NLGN1: variants seen among roughly 807,000 people sequenced by gnomAD.
The protein encoded by NLGN1 is neuroligin-1.
NLGN1 carries 12 observed loss-of-function variants against 65.5 expected under a neutral mutation model. The ratio of observed to expected loss-of-function variants is 0.18; its 90% CI spans 0.12 to 0.30. The LOEUF (loss-of-function observed/expected upper bound fraction) is 0.30. Among genes scored for constraint, NLGN1 ranks in the 10% least tolerant of loss-of-function variants. NLGN1 has a pLI of 1.00. For synonymous variants in NLGN1, 350 were observed against 359.5 expected (o/e 0.97, Z 0.30); for missense variants, 750 against 1,007.1 (o/e 0.74, Z 3.46).
chr3:173,526,001 A>G (rs1298511170), intron 2 of NLGN1, among the ~76,000 whole-genome samples: 2 of 151,960 alleles, frequency 1.3e-5, no homozygotes, highest in Non-Finnish European at 1.5e-5. Flanking sequence ...ATTTATTGAG[A>G]TTTTCTTTAT....
At chr3:173,519,530 G>A (rs1396120737) in intron 2 of NLGN1, among the ~76,000 whole-genome samples, 1 of 152,258 alleles carries the variant, frequency 6.6e-6, no homozygotes, top group African/African-American at 2.4e-5. Context: ...GTGTGCCCTG[G>A]ATGTGGGACA....
chr3:174,199,995 C>T (rs1734144225), intron 4 of NLGN1, among the ~76,000 whole-genome samples: 1 of 152,106 alleles, frequency 6.6e-6, no homozygotes, highest in African/African-American at 2.4e-5. Context: ...ACATCTAGGC[C>T]TGGAGAGCTC....
intron 4 of NLGN1, among the ~76,000 whole-genome samples, chr3:173,810,228 C>T (rs1035110599): frequency 6.6e-6 from 1 of 151,998 alleles, no homozygotes; most frequent in South Asian, 2.1e-4. Flanking sequence ...GCATGAGTGC[C>T]GCACCACAGC....
intron 4 of NLGN1, among the ~76,000 whole-genome samples, chr3:174,099,624 T>A (rs575534502): frequency 6.6e-6 from 1 of 152,290 alleles, no homozygotes; most frequent in Admixed American, 6.5e-5. Context: ...AAAACTTATT[T>A]AGTGATAGAA....
At chr3:173,726,980 C>T (rs1016379366) in intron 3 of NLGN1, among the ~76,000 whole-genome samples, 2 of 150,018 alleles carry the variant, frequency 1.3e-5, no homozygotes, top group African/African-American at 4.9e-5. Context: ...AAAAAATAAT[C>T]AAGAACTTCT....
At chr3:174,240,757 G>A (rs1577530595) in intron 4 of NLGN1, among the ~76,000 whole-genome samples, 1 of 152,110 alleles carries the variant, frequency 6.6e-6, no homozygotes, top group East Asian at 1.9e-4. Context: ...AATTCATTTT[G>A]AAAGCAAAGT....
At chr3:173,565,467 A>G (rs1224809870) in intron 2 of NLGN1, among the ~76,000 whole-genome samples, 1 of 152,204 alleles carries the variant, frequency 6.6e-6, no homozygotes, top group African/African-American at 2.4e-5. Flanking sequence ...GGTCTACTCC[A>G]CTGTAGCCAG....
chr3:173,563,681 C>CT (rs144753128), intron 2 of NLGN1, among the ~76,000 whole-genome samples: 28 of 151,604 alleles, frequency 1.8e-4, no homozygotes, highest in Non-Finnish European at 2.8e-4. Context: ...CTTGGGTCAT[C>CT]TTTTTTTTTC....
chr3:173,876,739 A>G (rs953609647), intron 4 of NLGN1, among the ~76,000 whole-genome samples: 6 of 152,202 alleles, frequency 3.9e-5, no homozygotes, highest in Admixed American at 3.9e-4. Context: ...CTTAAACAAC[A>G]TTATAAATAG....
intron 3 of NLGN1, among the ~76,000 whole-genome samples, chr3:173,739,384 C>T (rs12495452): frequency 0.094 from 12,226 of 129,432 alleles, 586 homozygotes; most frequent in Non-Finnish European, 0.13. Flanking sequence ...AATATTTTAA[C>T]CCGAACAAAA....
intron 2 of NLGN1, among the ~76,000 whole-genome samples, chr3:173,504,924 A>C (rs1731746706): frequency 6.6e-6 from 1 of 152,064 alleles, no homozygotes. Flanking sequence ...ATTTACAATT[A>C]AGGCCTCAAA....
chr3:173,417,520 A>G (rs1204336486), intron 1 of NLGN1, among the ~76,000 whole-genome samples: 1 of 151,888 alleles, frequency 6.6e-6, no homozygotes, highest in Non-Finnish European at 1.5e-5. Flanking sequence ...TTAGCAATTC[A>G]TATTTTGCTA....
intron 1 of NLGN1, among the ~76,000 whole-genome samples, chr3:173,425,540 C>G (rs1315090815): frequency 6.6e-6 from 1 of 151,998 alleles, no homozygotes; most frequent in Non-Finnish European, 1.5e-5. Flanking sequence ...AGACAAGGTT[C>G]TATTTCCATT....
intron 2 of NLGN1, among the ~76,000 whole-genome samples, chr3:173,556,712 G>A (rs1026605026): frequency 2.0e-5 from 3 of 152,010 alleles, no homozygotes; most frequent in African/African-American, 7.3e-5. Flanking sequence ...GGCTGAGTAG[G>A]AGGATTGCTT....
At chr3:173,522,963 T>A (rs2149143721) in intron 2 of NLGN1, among the ~76,000 whole-genome samples, 1 of 151,994 alleles carries the variant, frequency 6.6e-6, no homozygotes, top group Admixed American at 6.6e-5. Context: ...GTAATAGCCA[T>A]TCTTATTGGT....
At chr3:173,432,577 CA>C (rs1371327514) in intron 1 of NLGN1, among the ~76,000 whole-genome samples, 2 of 152,038 alleles carry the variant, frequency 1.3e-5, no homozygotes, top group Admixed American at 6.6e-5. Context: ...TCAGGTTATT[CA>C]TTTTTTTATT....
intron 4 of NLGN1, among the ~76,000 whole-genome samples, chr3:173,997,595 C>T (rs1452337115): frequency 6.6e-6 from 1 of 152,096 alleles, no homozygotes; most frequent in African/African-American, 2.4e-5. Flanking sequence ...GACTGTGTTC[C>T]CGGCAATATT....
chr3:174,112,875 A>G (rs747856835), intron 4 of NLGN1, among the ~76,000 whole-genome samples: 5 of 151,904 alleles, frequency 3.3e-5, no homozygotes, highest in Non-Finnish European at 7.4e-5. Context: ...GAACATATGA[A>G]TTCATGAGTA....
chr3:173,655,276 A>G (rs982554899), intron 3 of NLGN1, among the ~76,000 whole-genome samples: 3 of 152,140 alleles, frequency 2.0e-5, no homozygotes, highest in Non-Finnish European at 4.4e-5. Context: ...ACTTATATAA[A>G]GCACCTCTGT....
Sources: allele counts gnomAD v4.1 joint callset (sites outside exome capture counted in the v4.1 genomes callset), GRCh38; gene constraint gnomAD v4.1.1; transcripts MANE v1.5; gene names NCBI Gene and HGNC (gene_info 2026-07-23, HGNC 2026-07-21).